The following SYTL3 variants were observed in gnomAD, a reference collection of about 807,000 sequenced individuals.
SYTL3 encodes the protein synaptotagmin-like protein 3.
Under a neutral mutation model 82.1 loss-of-function variants are expected in SYTL3, and 88 were observed. The ratio of observed to expected loss-of-function variants is 1.07; its 90% CI spans 0.90 to 1.28. The LOEUF is 1.28. SYTL3 is among the 50% of genes most tolerant of loss of function. The pLI, the probability that SYTL3 is intolerant of heterozygous loss-of-function variation, is 0.00. For missense variants in SYTL3, 831 were observed against 757.6 expected, an observed-to-expected ratio of 1.10 and a Z score of -1.14; for synonymous variants, 311 against 289.4, an observed-to-expected ratio of 1.07 and a Z score of -0.76.
At chr6:158,708,731 G>A (rs1782409352) in intron 8 of SYTL3, among the ~76,000 whole-genome samples, 1 of 152,122 alleles carries the variant, frequency 6.6e-6, no homozygotes, top group Non-Finnish European at 1.5e-5. Flanking sequence ...AAATAAGATT[G>A]GTTAACGTGT....
At chr6:158,696,018 G>A (rs1229522247) in intron 6 of SYTL3, among the ~76,000 whole-genome samples, 1 of 152,162 alleles carries the variant, frequency 6.6e-6, no homozygotes, top group African/African-American at 2.4e-5. Flanking sequence ...TAGAGTTCCT[G>A]CTTTAAATCC....
At position 158,715,902 on chromosome 6, in the gene SYTL3, C is replaced by T. The variant is rs370492967; in HGVS notation, c.595+2024C>T. On this transcript the variant is annotated intron_variant, in intron 9 of 17. Coordinates refer to ENST00000611299, the MANE Select transcript of SYTL3 (RefSeq NM_001242394.2). ...ATCTTATTGGCTGCCTGTTTCCCCA[C>T]GGAAGTGGGTGCAGAGGGAAGCCTC... Among the ~76,000 whole-genome samples, 332 of 152,252 alleles carry T rather than the reference C, an allele frequency of 2.2e-3. 1 individual carries two copies. Among genetic ancestry groups the T allele is most frequent in the South Asian group, 0.014 (69 of 4,820 alleles).
At chr6:158,753,621 T>G (rs1365473978) in intron 13 of SYTL3, among the ~76,000 whole-genome samples, 1 of 151,246 alleles carries the variant, frequency 6.6e-6, no homozygotes, top group African/African-American at 2.4e-5. Context: ...TCCCAGCTAC[T>G]TGGGAGACTG....
At chr6:158,668,225 CT>C (rs888790211) in intron 5 of SYTL3, among the ~76,000 whole-genome samples, 14 of 20,602 alleles carry the variant, frequency 6.8e-4, no homozygotes, top group African/African-American at 2.4e-3. Flanking sequence ...AGGGCAGAGT[CT>C]TTTATTTATT....
At chr6:158,761,221 T>C (rs543330178) in intron 15 of SYTL3, among the ~76,000 whole-genome samples, 1 of 151,910 alleles carries the variant, frequency 6.6e-6, no homozygotes, top group Admixed American at 6.5e-5. Flanking sequence ...TTTTACTCCT[T>C]CAATAACGTG....
Position 158,662,899 on chromosome 6 carries a change from A to T in SYTL3, c.-370A>T, listed in dbSNP as rs1310195714. 6.2e-6 allele frequency: 1 copy of T among 162,010 alleles called. No individual in the cohort carries two copies. Among genetic ancestry groups the T allele is most frequent in the Non-Finnish European group, 1.3e-5 (1 of 74,620 alleles). 10.0% of individuals were successfully genotyped at this position (162,010 alleles called of 1,614,324 possible). ...AAATTACTTCTGCTTTGCAGAAATT[A>T]TCTGCTTGCAGCTGTGGATAATTTA... On this transcript the variant is annotated 5_prime_UTR_variant, in exon 4 of 18. Transcript: ENST00000611299.
chr6:158,679,063 G>T (rs937128461), intron 5 of SYTL3, among the ~76,000 whole-genome samples: 9 of 152,094 alleles, frequency 5.9e-5, no homozygotes, highest in Non-Finnish European at 1.3e-4. Flanking sequence ...GCAGTGAGTG[G>T]TCCTCCTTTG....
intron 2 of SYTL3, 113 bp downstream of exon 2, chr6:158,651,955 T>A (rs1788072979): frequency 1.3e-5 from 2 of 151,882 alleles, no homozygotes; most frequent in Non-Finnish European, 2.9e-5. Flanking sequence ...TGAGATGGAG[T>A]CTCACTCTGT....
At chr6:158,745,750 T>TAA (rs11432443) in intron 12 of SYTL3, 92 bp downstream of exon 12, 32,351 of 777,846 alleles carry the variant, frequency 0.042, no homozygotes, top group Non-Finnish European at 0.046. Context: ...AGACAATTAT[T>TAA]AAAAAAAAAA....
chr6:158,762,169 T>G lies in SYTL3; in HGVS notation c.1508T>G (p.Phe503Cys). ...PVRPDGTLNS[F>C]VKGCLTLPDQ... ...CGGCCAGATGGCACCTTGAACTCATTTGTTAAGGGGTAGGTATTCGATGTA... is the reference window on the plus strand; with the variant it reads ...CGGCCAGATGGCACCTTGAACTCATGTGTTAAGGGGTAGGTATTCGATGTA... Residue 503 changes from phenylalanine (F) to cysteine (C), a missense_variant, in exon 16 of 18, where the codon TTT (phenylalanine) becomes TGT (cysteine). Coordinates refer to ENST00000611299, the MANE Select transcript of SYTL3 (RefSeq NM_001242394.2). 9 of 1,611,680 alleles carry G rather than the reference T, an allele frequency of 5.6e-6. No homozygotes were observed. Among genetic ancestry groups the G allele is most frequent in the Non-Finnish European group, 7.6e-6 (9 of 1,177,970 alleles).
intron 6 of SYTL3, among the ~76,000 whole-genome samples, chr6:158,698,413 AG>A (rs36054252): frequency 6.7e-6 from 1 of 149,812 alleles, no homozygotes. Flanking sequence ...AAAAAAAAAA[AG>A]GCTCTGGACT....
At chr6:158,705,641 CAGTG>C (rs146530768) in intron 6 of SYTL3, among the ~76,000 whole-genome samples, 118 of 31,032 alleles carry the variant, frequency 3.8e-3, no homozygotes, top group African/African-American at 0.011. Flanking sequence ...GGCAGGGTGA[CAGTG>C]AGGGCTGTAA....
At chr6:158,682,167 G>T (rs139101291) in intron 5 of SYTL3, among the ~76,000 whole-genome samples, 14,349 of 151,982 alleles carry the variant, frequency 0.094, 1,449 homozygotes, top group African/African-American at 0.25. Flanking sequence ...TCGACTTCCT[G>T]ACCTCAAGTG....
chr6:158,646,254 C>T (rs1000420457), upstream of SYTL3, among the ~76,000 whole-genome samples: 3 of 152,206 alleles, frequency 2.0e-5, no homozygotes, highest in Non-Finnish European at 4.4e-5. Flanking sequence ...AGAGCTTGAA[C>T]TCCTGGGCTC....
intron 6 of SYTL3, among the ~76,000 whole-genome samples, chr6:158,702,961 T>C (rs1781490843): frequency 6.6e-6 from 1 of 151,930 alleles, no homozygotes; most frequent in African/African-American, 2.4e-5. Context: ...GAGACCATCC[T>C]GGCTAATACG....
At chr6:158,678,850 A>G (rs1778347213) in intron 5 of SYTL3, among the ~76,000 whole-genome samples, 1 of 152,246 alleles carries the variant, frequency 6.6e-6, no homozygotes, top group Non-Finnish European at 1.5e-5. Flanking sequence ...GAAGTGAGTC[A>G]TGATTCTGAA....
At chr6:158,745,732 A>G in intron 12 of SYTL3, 74 bp downstream of exon 12, 1 of 1,188,570 alleles carries the variant, frequency 8.4e-7, no homozygotes, top group South Asian at 1.6e-5. Flanking sequence ...AAAGTCTAAG[A>G]ATAACCAAGA....
At position 158,737,934 on chromosome 6, in the gene SYTL3, G is replaced by A. The variant is rs79708427; in HGVS notation, c.856-7546G>A. The stretch of plus-strand genomic sequence containing the variant: ...GTCCACTTTCAGGTCTGCTTCTGAT[G>A]TGTGATGCAATTTGGGGCATGACTC... On this transcript the variant is annotated intron_variant, in intron 11 of 17. Coordinates refer to ENST00000611299, the MANE Select transcript of SYTL3 (RefSeq NM_001242394.2). Among the ~76,000 whole-genome samples, 15 of 152,330 alleles carry A rather than the reference G, an allele frequency of 9.8e-5. No homozygotes were observed. The East Asian group carries it at 2.3e-3, about 23-fold the overall frequency.
chr6:158,674,927 T>C lies in SYTL3; in HGVS notation c.330-7998T>C, dbSNP rs180783186. On this transcript the variant is annotated intron_variant, in intron 5 of 17. Coordinates refer to ENST00000611299, the MANE Select transcript of SYTL3 (RefSeq NM_001242394.2). ...CTCCCCTCCCAGCCCCCTTCCCTCATTTACAGTTTCTGCTTGGGCCCTCAG... is the reference window on the plus strand; with the variant it reads ...CTCCCCTCCCAGCCCCCTTCCCTCACTTACAGTTTCTGCTTGGGCCCTCAG... Among the ~76,000 whole-genome samples, 242 of 148,320 alleles carry C rather than the reference T, an allele frequency of 1.6e-3. 1 individual carries two copies. The highest frequency in any genetic ancestry group is 0.015 in the Admixed American group (220 of 14,954).
Sources: gnomAD v4.1 joint callset for allele counts (sites outside exome capture counted in the v4.1 genomes callset) on GRCh38, gnomAD v4.1.1 for gene constraint, MANE v1.5 for transcripts, NCBI Gene and HGNC (gene_info 2026-07-23, HGNC 2026-07-21) for gene names.